SRGAP1: variants seen among roughly 807,000 people sequenced by gnomAD.
The protein encoded by SRGAP1 is SLIT-ROBO Rho GTPase activating protein 1, also known as SLIT-ROBO Rho GTPase-activating protein 1.
In SRGAP1, 43 loss-of-function variants were observed where a neutral mutation model predicts 121.9. The ratio of observed to expected loss-of-function variants is 0.35; its 90% CI spans 0.28 to 0.46. The LOEUF is 0.46. Ranked by LOEUF, SRGAP1 falls within the 20% of genes least tolerant of loss-of-function variation. The pLI is 1.00. For missense variants in SRGAP1, 1,102 were observed against 1,350.9 expected (o/e 0.82, Z 2.89); for synonymous variants, 447 against 485.4 (o/e 0.92, Z 1.04).
chr12:64,075,490 A>G (rs2035720252), intron 8 of SRGAP1, among the ~76,000 whole-genome samples: 2 of 152,202 alleles, frequency 1.3e-5, no homozygotes, highest in Admixed American at 1.3e-4. Context: ...GGGCCAGTTT[A>G]TGGCCAGATT....
chr12:64,136,831 T>C (rs1434951548), intron 21 of SRGAP1, among the ~76,000 whole-genome samples: 3 of 152,210 alleles, frequency 2.0e-5, no homozygotes, highest in African/African-American at 4.8e-5. Flanking sequence ...GAGAAACTTA[T>C]AACATCACTG....
At chr12:63,956,609 A>G (rs2032479713) in intron 1 of SRGAP1, among the ~76,000 whole-genome samples, 2 of 152,166 alleles carry the variant, frequency 1.3e-5, no homozygotes, top group South Asian at 2.1e-4. Context: ...TTTAAATATT[A>G]TCTCCTAATA....
At chr12:64,035,026 G>A (rs1450626903) in intron 4 of SRGAP1, among the ~76,000 whole-genome samples, 1 of 147,912 alleles carries the variant, frequency 6.8e-6, no homozygotes, top group East Asian at 2.0e-4. Context: ...AACTCTTTCA[G>A]CCCTGATGCT....
chr12:64,024,795 A>C (rs1007581526), intron 4 of SRGAP1, among the ~76,000 whole-genome samples: 1 of 152,160 alleles, frequency 6.6e-6, no homozygotes. Context: ...AGGAGAGAGA[A>C]TGAGTGCCAA....
At chr12:63,962,012 A>G (rs1565971681) in intron 1 of SRGAP1, among the ~76,000 whole-genome samples, 1 of 152,274 alleles carries the variant, frequency 6.6e-6, no homozygotes, top group East Asian at 1.9e-4. Flanking sequence ...CAGTTTTATC[A>G]CTGATCTTCA....
chr12:64,051,030 A>G (rs2035230485), intron 6 of SRGAP1, among the ~76,000 whole-genome samples: 1 of 152,044 alleles, frequency 6.6e-6, no homozygotes, highest in Non-Finnish European at 1.5e-5. Context: ...AGCCTAATCC[A>G]GCAAAATTCT....
rs2037196898 is a variant in SRGAP1 at position 64,159,797 on chromosome 12, G to A, written c.*17125G>A. The stretch of plus-strand genomic sequence containing the variant: ...CACTGCATGGAGGATGGTCATCCTG[G>A]AGAATTGTTTGGACTCGAGTGGACT... On this transcript the variant is annotated 3_prime_UTR_variant, in exon 22 of 22. Coordinates refer to ENST00000355086, the MANE Select transcript of SRGAP1 (RefSeq NM_020762.4). The A allele has an allele frequency of 6.6e-6, 1 of 152,204 alleles. No homozygotes were observed. Among genetic ancestry groups the A allele is most frequent in the African/African-American group, 2.4e-5 (1 of 41,454 alleles). 9.4% of individuals were successfully genotyped at this position (152,204 alleles called of 1,614,324 possible).
At chr12:64,129,485 A>G (rs893789851) in intron 21 of SRGAP1, among the ~76,000 whole-genome samples, 1 of 152,038 alleles carries the variant, frequency 6.6e-6, no homozygotes, top group African/African-American at 2.4e-5. Context: ...TCCTCTGGCA[A>G]CCCCCTCACA....
chr12:63,845,210 C>T (rs963734449), intron 1 of SRGAP1, among the ~76,000 whole-genome samples: 1 of 152,142 alleles, frequency 6.6e-6, no homozygotes, highest in African/African-American at 2.4e-5. Context: ...GGATCCTGTC[C>T]AGCTATTATT....
intron 6 of SRGAP1, among the ~76,000 whole-genome samples, chr12:64,044,699 T>TTTTTTTTTTTTTTG (rs1463008430): frequency 7.2e-6 from 1 of 138,596 alleles, no homozygotes; most frequent in Non-Finnish European, 1.5e-5. Flanking sequence ...TTTTTTTTTT[T>TTTTTTTTTTTTTTG]AAGACAGAGT....
intron 1 of SRGAP1, among the ~76,000 whole-genome samples, chr12:63,968,107 G>A (rs563504767): frequency 6.6e-6 from 1 of 152,216 alleles, no homozygotes; most frequent in South Asian, 2.1e-4. Flanking sequence ...TATTTTAATT[G>A]GTCTCCACAC....
At chr12:64,075,562 C>T (rs887846202) in intron 8 of SRGAP1, among the ~76,000 whole-genome samples, 3 of 152,184 alleles carry the variant, frequency 2.0e-5, no homozygotes, top group Non-Finnish European at 1.5e-5. Flanking sequence ...ACCATCTTCA[C>T]ATCTGTTTGT....
chr12:63,883,820 G>A (rs1247094323), intron 1 of SRGAP1, among the ~76,000 whole-genome samples: 8 of 151,170 alleles, frequency 5.3e-5, no homozygotes, highest in South Asian at 2.1e-4. Context: ...CGCCACACCC[G>A]GCTAATTTTT....
intron 1 of SRGAP1, among the ~76,000 whole-genome samples, chr12:63,938,601 C>A (rs2031751326): frequency 6.6e-6 from 1 of 152,030 alleles, no homozygotes; most frequent in Admixed American, 6.6e-5. Context: ...AACAATGATG[C>A]CTTGTGTGGT....
At chr12:63,920,803 C>G (rs1379617747) in intron 1 of SRGAP1, among the ~76,000 whole-genome samples, 1 of 152,092 alleles carries the variant, frequency 6.6e-6, no homozygotes, top group African/African-American at 2.4e-5. Context: ...GGATAATATC[C>G]TGGTTTGGGA....
rs553125711 is a variant in SRGAP1 at position 63,912,232 on chromosome 12, G to C, written c.67+67349G>C. 7.2e-5 allele frequency among the ~76,000 whole-genome samples: 11 copies of C among 152,264 alleles called. No individual in the cohort carries two copies. In the South Asian group the frequency reaches 2.3e-3, roughly 32 times the overall value. On this transcript the variant is annotated intron_variant, in intron 1 of 21. Coordinates refer to ENST00000355086, the MANE Select transcript of SRGAP1 (RefSeq NM_020762.4). ...TTAATCCTCACAGTACAAAAGCCCT[G>C]TGAGGTAGGTACTGACACTATCCCT...
At chr12:64,079,503 A>G (rs1020708623) in intron 9 of SRGAP1, among the ~76,000 whole-genome samples, 6 of 148,320 alleles carry the variant, frequency 4.0e-5, no homozygotes, top group African/African-American at 1.5e-4. Flanking sequence ...ATATATTTAT[A>G]TATGTTTTTA....
At chr12:63,859,795 T>C (rs1014391224) in intron 1 of SRGAP1, among the ~76,000 whole-genome samples, 3 of 152,186 alleles carry the variant, frequency 2.0e-5, no homozygotes, top group African/African-American at 7.2e-5. Context: ...AATCATTCTT[T>C]CTAATATGAC....
At position 64,126,062 on chromosome 12, in the gene SRGAP1, G is replaced by C. The variant is rs774823330; in HGVS notation, c.2310G>C (p.Leu770=). ...TATCCTTCAAGAAGGGTGCCTCCCT[G>C]CTGCTGTATCACCGTGCATCTGAGG... The part of the protein sequence containing the change: ...RELSFKKGAS[L]LLYHRASEDW... The change falls in exon 19 of 22, where the codon CTG becomes CTC. Residue 770 remains leucine (L), a synonymous_variant. Coordinates refer to ENST00000355086, the MANE Select transcript of SRGAP1 (RefSeq NM_020762.4). 1 of 1,614,180 alleles carries C rather than the reference G, an allele frequency of 6.2e-7. No homozygotes were observed. Among genetic ancestry groups the C allele is most frequent in the Non-Finnish European group, 8.5e-7 (1 of 1,180,020 alleles).
Sources: allele counts gnomAD v4.1 joint callset (sites outside exome capture counted in the v4.1 genomes callset), GRCh38; gene constraint gnomAD v4.1.1; transcripts MANE v1.5; gene names NCBI Gene and HGNC (gene_info 2026-07-23, HGNC 2026-07-21).